CDH13: variants seen among roughly 807,000 people sequenced by gnomAD.
CDH13 encodes cadherin-13.
A neutral mutation model predicts 63.8 loss-of-function variants in CDH13; 24 were observed. That is an observed-to-expected ratio of 0.38 (90% CI 0.27 to 0.53). The LOEUF (loss-of-function observed/expected upper bound fraction) is 0.53. Ranked by LOEUF, CDH13 falls within the 20% of genes least tolerant of loss-of-function variation. The pLI is 0.85. For missense variants in CDH13, 1,049 were observed against 903.1 expected, an observed-to-expected ratio of 1.16 and a Z score of -2.07; for synonymous variants, 503 against 355.3, an observed-to-expected ratio of 1.42 and a Z score of -4.67.
intron 2 of CDH13, among the ~76,000 whole-genome samples, chr16:82,939,239 C>T (rs2042757724): frequency 1.3e-5 from 2 of 152,112 alleles, no homozygotes; most frequent in Admixed American, 1.3e-4. Flanking sequence ...GCCTGGGCAA[C>T]ATGGTGAAAC....
intron 2 of CDH13, among the ~76,000 whole-genome samples, chr16:83,004,152 C>A (rs999722628): frequency 6.6e-6 from 1 of 152,214 alleles, no homozygotes; most frequent in African/African-American, 2.4e-5. Context: ...CAGAAACCTA[C>A]AGCCCCAGGC....
At chr16:82,630,490 T>A (rs959879872) in intron 1 of CDH13, among the ~76,000 whole-genome samples, 1 of 152,358 alleles carries the variant, frequency 6.6e-6, no homozygotes, top group Admixed American at 6.5e-5. Flanking sequence ...TTTTCTATCT[T>A]TAGCCCTTGG....
intron 7 of CDH13, among the ~76,000 whole-genome samples, chr16:83,542,394 G>C (rs1030370803): frequency 3.3e-5 from 5 of 152,120 alleles, no homozygotes; most frequent in South Asian, 2.1e-4. Flanking sequence ...TGTTAGGTGC[G>C]TATCACAACA....
At chr16:83,241,788 G>A (rs142302788) in intron 5 of CDH13, among the ~76,000 whole-genome samples, 3 of 152,204 alleles carry the variant, frequency 2.0e-5, no homozygotes, top group East Asian at 3.9e-4. Flanking sequence ...AGTAAGTTGC[G>A]TTTTCATTCT....
chr16:83,506,544 T>A (rs1486196523), intron 7 of CDH13, among the ~76,000 whole-genome samples: 1 of 152,194 alleles, frequency 6.6e-6, no homozygotes, highest in African/African-American at 2.4e-5. Context: ...TCAAAGATAA[T>A]GCACTTCTGA....
At chr16:83,257,773 T>G (rs112529445) in intron 5 of CDH13, among the ~76,000 whole-genome samples, 10,986 of 152,284 alleles carry the variant, frequency 0.072, 552 homozygotes, top group East Asian at 0.25. Context: ...TATTCCTTTG[T>G]GTATATACCC....
At chr16:83,516,075 G>A (rs960972360) in intron 7 of CDH13, among the ~76,000 whole-genome samples, 21 of 152,192 alleles carry the variant, frequency 1.4e-4, no homozygotes, top group African/African-American at 4.6e-4. Context: ...CCAAGTTTCC[G>A]TCTAAGAGCA....
chr16:82,673,091 C>T (rs971599060), intron 1 of CDH13, among the ~76,000 whole-genome samples: 12 of 136,736 alleles, frequency 8.8e-5, no homozygotes, highest in Admixed American at 1.7e-4. Context: ...ATCTTTCCAC[C>T]TTGGCCTTAC....
chr16:83,161,861 G>A (rs535455050), intron 4 of CDH13, among the ~76,000 whole-genome samples: 10 of 152,228 alleles, frequency 6.6e-5, no homozygotes, highest in South Asian at 2.1e-4. Flanking sequence ...ACAACCCACC[G>A]TAGTTATTCA....
intron 13 of CDH13, among the ~76,000 whole-genome samples, chr16:83,785,959 G>A (rs989743302): frequency 1.3e-5 from 2 of 151,998 alleles, no homozygotes; most frequent in Non-Finnish European, 2.9e-5. Flanking sequence ...TGGTTCCTTC[G>A]GTTCACAACT....
intron 7 of CDH13, among the ~76,000 whole-genome samples, chr16:83,552,801 G>T (rs1215542379): frequency 6.6e-6 from 1 of 152,194 alleles, no homozygotes; most frequent in Admixed American, 6.5e-5. Context: ...GTGGTTATTG[G>T]CTGGGCGCAG....
intron 8 of CDH13, among the ~76,000 whole-genome samples, chr16:83,619,082 G>A (rs894794596): frequency 3.0e-4 from 45 of 152,212 alleles, no homozygotes; most frequent in African/African-American, 9.9e-4. Context: ...GTGTGCCTGC[G>A]TTTGTGTATC....
intron 1 of CDH13, among the ~76,000 whole-genome samples, chr16:82,655,953 A>T (rs935945780): frequency 5.9e-5 from 9 of 152,140 alleles, no homozygotes; most frequent in African/African-American, 1.7e-4. Flanking sequence ...GTTTGGCACC[A>T]CCTAGACAGC....
At chr16:82,664,409 G>A (rs1022291369) in intron 1 of CDH13, among the ~76,000 whole-genome samples, 62 of 152,196 alleles carry the variant, frequency 4.1e-4, no homozygotes, top group African/African-American at 9.6e-5. Flanking sequence ...GTTGGGTGCA[G>A]CTTGGCTACA....
chr16:83,104,523 C>T (rs1338764325), intron 3 of CDH13, among the ~76,000 whole-genome samples: 1 of 151,576 alleles, frequency 6.6e-6, no homozygotes, highest in Non-Finnish European at 1.5e-5. Context: ...TTAAGGCAAC[C>T]CTAGTGTTTT....
chr16:83,348,974 G>A (rs987655034), intron 6 of CDH13, among the ~76,000 whole-genome samples: 6 of 152,138 alleles, frequency 3.9e-5, no homozygotes, highest in East Asian at 1.9e-4. Context: ...CAAACCACGC[G>A]TCATTTTCAT....
intron 1 of CDH13, among the ~76,000 whole-genome samples, chr16:82,670,894 G>T (rs1913161324): frequency 6.6e-6 from 1 of 152,174 alleles, no homozygotes; most frequent in Non-Finnish European, 1.5e-5. Context: ...GGCTGTCACT[G>T]TTCCTCCTCC....
intron 6 of CDH13, among the ~76,000 whole-genome samples, chr16:83,373,417 G>A (rs1567625294): frequency 1.3e-5 from 2 of 152,124 alleles, no homozygotes; most frequent in Non-Finnish European, 2.9e-5. Flanking sequence ...GCTGAGTCTT[G>A]AAGGAATCCC....
intron 4 of CDH13, among the ~76,000 whole-genome samples, chr16:83,176,180 A>T (rs1046065804): frequency 6.6e-6 from 1 of 151,514 alleles, no homozygotes; most frequent in East Asian, 2.0e-4. Context: ...ATATGCTTCA[A>T]CACATTTCCA....
Sources: allele counts gnomAD v4.1 joint callset (sites outside exome capture counted in the v4.1 genomes callset), GRCh38; gene constraint gnomAD v4.1.1; transcripts MANE v1.5; gene names NCBI Gene and HGNC (gene_info 2026-07-23, HGNC 2026-07-21).